RBFOX3: variants seen among roughly 807,000 people sequenced by gnomAD.
RBFOX3 encodes RNA binding protein fox-1 homolog 3.
In RBFOX3, 17 loss-of-function variants were observed where a neutral mutation model predicts 48.7. The observed-to-expected ratio is 0.35, with a 90% CI of 0.24 to 0.52. The LOEUF (loss-of-function observed/expected upper bound fraction) is 0.52. RBFOX3 is among the 20% of genes least tolerant of loss of function. The pLI, the probability that RBFOX3 is intolerant of heterozygous loss-of-function variation, is 0.94. For missense variants in RBFOX3, 382 were observed against 497.5 expected (o/e 0.77, Z 2.21); for synonymous variants, 212 against 209.5 (o/e 1.01, Z -0.10).
At chr17:79,125,809 C>T (rs928411932) in intron 4 of RBFOX3, among the ~76,000 whole-genome samples, 1 of 152,222 alleles carries the variant, frequency 6.6e-6, no homozygotes, top group Non-Finnish European at 1.5e-5. Flanking sequence ...GCCATTTCTC[C>T]AGCACCTCTG....
intron 2 of RBFOX3, among the ~76,000 whole-genome samples, chr17:79,452,612 G>A (rs1285437043): frequency 1.3e-5 from 2 of 152,162 alleles, no homozygotes; most frequent in African/African-American, 4.8e-5. Flanking sequence ...GGGCCATCAG[G>A]GGAGAATGGG....
In RBFOX3 at chr17:79,115,673, G is replaced by T; in HGVS notation, c.43C>A (p.Gln15Lys). 8.0e-7 allele frequency: 1 copy of T among 1,247,334 alleles called. No homozygotes were observed. The highest frequency in any genetic ancestry group is 1.1e-6 in the Non-Finnish European group (1 of 919,540). 77.3% of individuals were successfully genotyped at this position (1,247,334 alleles called of 1,614,324 possible). A position where few individuals can be genotyped will look rare whatever the true frequency, so the allele number is the denominator to read the frequency against. The stretch of plus-strand genomic sequence containing the variant: ...GCGTACTCGGCAGGGATGCCGTTCT[G>T]TGGCGGAGGGGGGTACTGGGCGGGG... Reference protein sequence around the residue: ...YPPAQYPPPPQNGIPAEYAPP... With the variant: ...YPPAQYPPPPKNGIPAEYAPP... Residue 15 changes from glutamine (Q) to lysine (K), a missense_variant, in exon 5 of 15, where the codon CAG (glutamine) becomes AAG (lysine). Gln to Lys is a moderately conservative substitution (Grantham distance 53). This residue lies in a region of RBFOX3 where 118 missense variants were observed against 132.1 expected (regional missense o/e 0.89). Transcript: ENST00000693108.
intron 4 of RBFOX3, among the ~76,000 whole-genome samples, chr17:79,186,703 C>G (rs568776614): frequency 6.6e-6 from 1 of 152,320 alleles, no homozygotes; most frequent in East Asian, 1.9e-4. Flanking sequence ...AGAAAAAATA[C>G]CCCATTCGCC....
At chr17:79,413,794 G>A (rs754180114) in intron 2 of RBFOX3, among the ~76,000 whole-genome samples, 85 of 152,242 alleles carry the variant, frequency 5.6e-4, no homozygotes, top group Non-Finnish European at 9.3e-4. Context: ...TCTGCGGCCT[G>A]GCCAGCAGCC....
At chr17:79,560,792 C>T (rs995401700) in intron 1 of RBFOX3, among the ~76,000 whole-genome samples, 13,351 of 152,204 alleles carry the variant, frequency 0.088, 1,210 homozygotes, top group East Asian at 0.36. Flanking sequence ...AGGTGCTTCC[C>T]GAGCTTCAGC....
At chr17:79,629,110 C>T in the RBFOX3 span, among the ~76,000 whole-genome samples, 1 of 152,222 alleles carries the variant, frequency 6.6e-6, no homozygotes, top group Non-Finnish European at 1.5e-5. Context: ...ATCCTGCCCC[C>T]GCGCCCTGGG....
At chr17:79,282,293 G>T (rs1332426230) in intron 3 of RBFOX3, among the ~76,000 whole-genome samples, 1 of 152,214 alleles carries the variant, frequency 6.6e-6, no homozygotes, top group Non-Finnish European at 1.5e-5. Flanking sequence ...GCAAGGAGAA[G>T]AGGGAACCTC....
At chr17:79,163,386 A>C (rs2047361091) in intron 4 of RBFOX3, among the ~76,000 whole-genome samples, 1 of 152,194 alleles carries the variant, frequency 6.6e-6, no homozygotes, top group Non-Finnish European at 1.5e-5. Flanking sequence ...AGATCCCGGA[A>C]ACAAGACTCC....
chr17:79,397,459 C>T (rs1011527597), intron 2 of RBFOX3, among the ~76,000 whole-genome samples: 1 of 151,500 alleles, frequency 6.6e-6, no homozygotes, highest in African/African-American at 2.4e-5. Flanking sequence ...TGCCACTGCC[C>T]TCCAGCCTGG....
chr17:79,660,296 T>A, the RBFOX3 span, among the ~76,000 whole-genome samples: 1 of 151,812 alleles, frequency 6.6e-6, no homozygotes, highest in African/African-American at 2.4e-5. Flanking sequence ...CAAGCAAAAA[T>A]TGACAAATGG....
the RBFOX3 span, among the ~76,000 whole-genome samples, chr17:79,630,436 C>T: frequency 6.6e-6 from 1 of 152,146 alleles, no homozygotes; most frequent in Non-Finnish European, 1.5e-5. Flanking sequence ...CACCCAGAGG[C>T]GGCTTGAGCT....
At chr17:79,101,744 C>A in intron 8 of RBFOX3, 100 bp from the exon 9 acceptor site, 1 of 1,071,530 alleles carries the variant, frequency 9.3e-7, no homozygotes, top group South Asian at 1.3e-5. Flanking sequence ...CCCCCGGCAC[C>A]CCCCGCCCCA....
chr17:79,284,969 C>G (rs550736634), intron 3 of RBFOX3, among the ~76,000 whole-genome samples: 6 of 152,158 alleles, frequency 3.9e-5, no homozygotes, highest in Admixed American at 2.0e-4. Context: ...AAGTAGACCT[C>G]GCTTTGTAAA....
chr17:79,442,442 TG>T (rs2071341321), intron 2 of RBFOX3, among the ~76,000 whole-genome samples: 1 of 147,028 alleles, frequency 6.8e-6, no homozygotes, highest in Non-Finnish European at 1.5e-5. Context: ...CAAGCAGGGC[TG>T]GGTGAGTTGG....
intron 1 of RBFOX3, among the ~76,000 whole-genome samples, chr17:79,563,870 G>T (rs929249017): frequency 2.6e-5 from 4 of 152,226 alleles, no homozygotes; most frequent in Non-Finnish European, 5.9e-5. Flanking sequence ...GGATGGAGTT[G>T]AGGAAGTTCT....
At chr17:79,215,458 C>T (rs1379323012) in intron 4 of RBFOX3, among the ~76,000 whole-genome samples, 1 of 152,224 alleles carries the variant, frequency 6.6e-6, no homozygotes, top group Non-Finnish European at 1.5e-5. Flanking sequence ...TCCCTCTCTC[C>T]CTCCAACCTC....
At chr17:79,094,647 C>T (rs1225702151) in intron 13 of RBFOX3, 118 bp from the exon 14 acceptor site, 1 of 604,664 alleles carries the variant, frequency 1.7e-6, no homozygotes, top group Non-Finnish European at 2.6e-6. Flanking sequence ...ACCGAGGTCC[C>T]ATCTGCAAGG....
intron 2 of RBFOX3, among the ~76,000 whole-genome samples, chr17:79,369,110 C>T (rs563261022): frequency 2.0e-5 from 3 of 152,286 alleles, no homozygotes; most frequent in African/African-American, 7.2e-5. Context: ...TGAGCTGTCT[C>T]ACTGCGCCCA....
chr17:79,259,091 T>C (rs2065323864), intron 3 of RBFOX3, among the ~76,000 whole-genome samples: 1 of 152,254 alleles, frequency 6.6e-6, no homozygotes, highest in African/African-American at 2.4e-5. Flanking sequence ...CCCTTATAAT[T>C]CTGCCCTTCA....
Sources: allele counts gnomAD v4.1 joint callset (sites outside exome capture counted in the v4.1 genomes callset), GRCh38; gene constraint gnomAD v4.1.1; regional missense constraint gnomAD v4.1.1; transcripts MANE v1.5; gene names NCBI Gene and HGNC (gene_info 2026-07-23, HGNC 2026-07-21).